Variants in NTRK3 observed in about 807,000 individuals in gnomAD.
NTRK3 encodes neurotrophic receptor tyrosine kinase 3.
A neutral mutation model predicts 91.7 loss-of-function variants in NTRK3; 24 were observed. The ratio of observed to expected loss-of-function variants is 0.26; its 90% confidence interval spans 0.19 to 0.37. The LOEUF (loss-of-function observed/expected upper bound fraction) is 0.37. Among genes scored for constraint, NTRK3 ranks in the 10% least tolerant of loss-of-function variants. The pLI, the probability that NTRK3 is intolerant of heterozygous loss-of-function variation, is 1.00. For missense variants in NTRK3, 880 were observed against 1,068.9 expected (o/e 0.82, Z 2.46); for synonymous variants, 483 against 404.0 (o/e 1.20, Z -2.34).
intron 14 of NTRK3, among the ~76,000 whole-genome samples, chr15:87,987,872 G>A (rs979847927): frequency 3.3e-5 from 5 of 151,324 alleles, no homozygotes. Flanking sequence ...GTGAGAATCT[G>A]TCTCAAAATA....
intron 17 of NTRK3, among the ~76,000 whole-genome samples, chr15:87,923,932 C>A (rs1171334995): frequency 6.6e-6 from 1 of 152,156 alleles, no homozygotes; most frequent in East Asian, 1.9e-4. Context: ...AGGCCCTCAC[C>A]AGATGAGGCC....
intron 14 of NTRK3, among the ~76,000 whole-genome samples, chr15:88,006,302 A>AAGC (rs1388940104): frequency 6.6e-6 from 1 of 152,178 alleles, no homozygotes; most frequent in Non-Finnish European, 1.5e-5. Flanking sequence ...TTACACAGGG[A>AAGC]TGAAACTTCT....
chr15:87,907,768 G>C (rs1412889289), intron 17 of NTRK3, among the ~76,000 whole-genome samples: 1 of 152,158 alleles, frequency 6.6e-6, no homozygotes. Context: ...GCAAAAAGTG[G>C]AAGGAAGTCA....
At chr15:88,047,184 C>T (rs2080295823) in intron 13 of NTRK3, among the ~76,000 whole-genome samples, 1 of 152,204 alleles carries the variant, frequency 6.6e-6, no homozygotes, top group African/African-American at 2.4e-5. Flanking sequence ...TATGAACACA[C>T]ATGAACTAGT....
intron 13 of NTRK3, among the ~76,000 whole-genome samples, chr15:88,081,100 C>T (rs537956817): frequency 6.6e-6 from 1 of 152,334 alleles, no homozygotes; most frequent in African/African-American, 2.4e-5. Context: ...TGGCAAAGGG[C>T]AGCTGCTTGG....
At chr15:88,162,354 G>A (rs75105410) in intron 5 of NTRK3, among the ~76,000 whole-genome samples, 2,146 of 152,264 alleles carry the variant, frequency 0.014, 57 homozygotes, top group African/African-American at 0.048. Context: ...CCCACCACAT[G>A]GTAGGCACTC....
intron 3 of NTRK3, among the ~76,000 whole-genome samples, chr15:88,225,938 T>A (rs2050634234): frequency 6.6e-6 from 1 of 152,156 alleles, no homozygotes; most frequent in Non-Finnish European, 1.5e-5. Flanking sequence ...CTGGCCCTGA[T>A]CTGCTCAGAC....
intron 14 of NTRK3, among the ~76,000 whole-genome samples, chr15:87,964,342 T>G (rs1373647503): frequency 1.3e-5 from 2 of 151,364 alleles, no homozygotes; most frequent in Non-Finnish European, 2.9e-5. Context: ...ATGATAATAC[T>G]TCAATAAAGT....
At chr15:87,972,832 C>T (rs1174018305) in intron 14 of NTRK3, among the ~76,000 whole-genome samples, 1 of 152,186 alleles carries the variant, frequency 6.6e-6, no homozygotes, top group Non-Finnish European at 1.5e-5. Flanking sequence ...TCCTCTACCT[C>T]AGAGTTCCAA....
At chr15:87,988,378 A>C (rs1248604387) in intron 14 of NTRK3, among the ~76,000 whole-genome samples, 1 of 152,228 alleles carries the variant, frequency 6.6e-6, no homozygotes, top group Non-Finnish European at 1.5e-5. Flanking sequence ...GGAATGGAGA[A>C]AGGACATTTG....
At chr15:88,180,779 G>C (rs2046388973) in intron 5 of NTRK3, among the ~76,000 whole-genome samples, 1 of 151,148 alleles carries the variant, frequency 6.6e-6, no homozygotes, top group Admixed American at 6.6e-5. Flanking sequence ...CAGAAGACTT[G>C]TAAATGCATT....
intron 14 of NTRK3, among the ~76,000 whole-genome samples, chr15:88,028,739 A>G (rs1232780389): frequency 1.3e-5 from 2 of 152,180 alleles, no homozygotes; most frequent in Non-Finnish European, 2.9e-5. Flanking sequence ...GACGGGGCAG[A>G]GGCAGTTGCC....
intron 14 of NTRK3, among the ~76,000 whole-genome samples, chr15:88,011,647 T>C (rs4989257): frequency 0.19 from 28,265 of 152,046 alleles, 3,217 homozygotes; most frequent in African/African-American, 0.32. Flanking sequence ...ATCCTGGCAG[T>C]GTATGCATGA....
chr15:88,015,668 T>C (rs1596711322), intron 14 of NTRK3, among the ~76,000 whole-genome samples: 1 of 152,098 alleles, frequency 6.6e-6, no homozygotes, highest in South Asian at 2.1e-4. Context: ...CCAGCTGGAG[T>C]GTGGACTCCC....
chr15:87,942,932 T>G (rs1329878143), intron 14 of NTRK3, among the ~76,000 whole-genome samples: 1 of 152,166 alleles, frequency 6.6e-6, no homozygotes, highest in African/African-American at 2.4e-5. Flanking sequence ...GAGCTGGGCA[T>G]GGGATTCAGA....
chr15:88,135,001 A>G (rs1001723356), intron 10 of NTRK3, 100 bp downstream of exon 10: 1 of 1,371,508 alleles, frequency 7.3e-7, no homozygotes, highest in South Asian at 1.2e-5. Context: ...TGATAACAGT[A>G]TGAGTACTGA....
chr15:87,965,406 C>G (rs1246720711), intron 14 of NTRK3, among the ~76,000 whole-genome samples: 1 of 152,194 alleles, frequency 6.6e-6, no homozygotes, highest in Non-Finnish European at 1.5e-5. Context: ...CGGGAAGGGG[C>G]AGCCCCTCTC....
At chr15:88,015,769 GC>G (rs1172212037) in intron 14 of NTRK3, among the ~76,000 whole-genome samples, 1 of 152,092 alleles carries the variant, frequency 6.6e-6, no homozygotes, top group Non-Finnish European at 1.5e-5. Context: ...GGAGCTCTGT[GC>G]AAAAATCATC....
At chr15:88,252,025 A>C (rs1321347645) in intron 3 of NTRK3, among the ~76,000 whole-genome samples, 5 of 152,074 alleles carry the variant, frequency 3.3e-5, no homozygotes, top group Non-Finnish European at 7.4e-5. Flanking sequence ...AGCCACCAAT[A>C]GCCTTTCCTT....
Sources: gnomAD v4.1 joint callset for allele counts (sites outside exome capture counted in the v4.1 genomes callset) on GRCh38, gnomAD v4.1.1 for gene constraint, MANE v1.5 for transcripts, NCBI Gene and HGNC (gene_info 2026-07-23, HGNC 2026-07-21) for gene names.